The following AFG3L2 variants were observed in gnomAD, a reference collection of about 807,000 sequenced individuals.
The protein encoded by AFG3L2 is AFG3 like matrix AAA peptidase subunit 2, also known as mitochondrial inner membrane m-AAA protease component AFG3L2.
Under a neutral mutation model 94.5 loss-of-function variants are expected in AFG3L2, and 54 were observed. The ratio of observed to expected loss-of-function variants is 0.57; its 90% confidence interval spans 0.46 to 0.72. The LOEUF (loss-of-function observed/expected upper bound fraction) is 0.72, where lower values mean the gene tolerates loss of function less well. AFG3L2 is among the 30% of genes least tolerant of loss of function. The probability of loss-of-function intolerance (pLI) is 0.00; values close to 1 mark genes in which losing one functional copy is unlikely to be tolerated. For synonymous variants in AFG3L2, 377 were observed against 365.5 expected (o/e 1.03, Z -0.36); for missense variants, 754 against 994.9 (o/e 0.76, Z 3.26).
intron 16 of AFG3L2, among the ~76,000 whole-genome samples, chr18:12,333,133 T>TAA (rs1907623219): frequency 1.1e-5 from 1 of 87,498 alleles, no homozygotes; most frequent in African/African-American, 4.9e-5. Context: ...ATTATATATA[T>TAA]AATATATATA....
At chr18:12,374,297 T>C (rs1319603453) in intron 1 of AFG3L2, among the ~76,000 whole-genome samples, 2 of 152,208 alleles carry the variant, frequency 1.3e-5, no homozygotes, top group Non-Finnish European at 2.9e-5. Flanking sequence ...TTTGGAGAAT[T>C]AGCCTTTATG....
At chr18:12,342,940 C>T (rs569493887) in intron 14 of AFG3L2, 43 of 152,176 alleles carry the variant, frequency 2.8e-4, no homozygotes, top group African/African-American at 1.0e-3. Context: ...GAGTAACTTA[C>T]TGTTTTGGCT....
chr18:12,337,795 A>T (rs1282304068), intron 15 of AFG3L2, among the ~76,000 whole-genome samples: 1 of 152,038 alleles, frequency 6.6e-6, no homozygotes, highest in Non-Finnish European at 1.5e-5. Flanking sequence ...TTTTAGACAG[A>T]GTCTTGGTCT....
At chr18:12,331,147 A>G (rs1015547398) in intron 16 of AFG3L2, among the ~76,000 whole-genome samples, 7 of 152,208 alleles carry the variant, frequency 4.6e-5, no homozygotes, top group African/African-American at 1.7e-4. Flanking sequence ...TTTAGATACC[A>G]TTGTGTTACA....
At chr18:12,332,123 A>ATTTTT (rs10689491) in intron 16 of AFG3L2, among the ~76,000 whole-genome samples, 2 of 131,712 alleles carry the variant, frequency 1.5e-5, no homozygotes, top group Admixed American at 8.0e-5. Context: ...TCATAAAATG[A>ATTTTT]TTTTTTTTTT....
intron 10 of AFG3L2, 54 bp downstream of exon 10, chr18:12,352,951 C>T (rs1432885378): frequency 6.3e-7 from 1 of 1,595,802 alleles, no homozygotes; most frequent in Non-Finnish European, 8.6e-7. Context: ...CAGACTCCAT[C>T]TCAAAAAAAA....
In AFG3L2 at chr18:12,340,267, G is replaced by A. The variant is rs754685802; in HGVS notation, c.1914C>T (p.Phe638=). The stretch of plus-strand genomic sequence containing the variant: ...GAGCACCAGTTGTAATTCTTCCAAA[G>A]AAGATTTCTTCAGAGACTCGACCAC... ...TLGGRVSEEI[F]FGRITTGAQD... Residue 638 remains phenylalanine (F), a synonymous_variant, in exon 15 of 17, where the codon TTC becomes TTT. Transcript: ENST00000269143. 17 of 1,614,124 alleles carry A rather than the reference G, an allele frequency of 1.1e-5. No homozygotes were observed. In the Middle Eastern group the frequency reaches 8.2e-4, roughly 78 times the overall value.
Position 12,328,948 on chromosome 18 carries a change from T to C in AFG3L2, c.*617A>G, listed in dbSNP as rs1369685832. On this transcript the variant is annotated 3_prime_UTR_variant, in exon 17 of 17. Transcript: ENST00000269143. ...AGCATAAATAGGGACCCTATGTGTG[T>C]TCAGAAAAGTACAGTGTTGACATTT... 1.9e-6 allele frequency: 1 copy of C among 534,832 alleles called. No individual in the cohort carries two copies. The allele number at this position is 534,832 out of a possible 1,614,324, so 33.1% of individuals were successfully genotyped here. A position where few individuals can be genotyped will look rare whatever the true frequency, so the allele number is the denominator to read the frequency against.
intron 16 of AFG3L2, among the ~76,000 whole-genome samples, chr18:12,335,347 T>G (rs1427637887): frequency 6.6e-6 from 1 of 152,108 alleles, no homozygotes; most frequent in Non-Finnish European, 1.5e-5. Context: ...GTAACTGACA[T>G]CCCTCTACTC....
At chr18:12,344,867 A>C (rs1469606332) in intron 13 of AFG3L2, among the ~76,000 whole-genome samples, 1 of 152,194 alleles carries the variant, frequency 6.6e-6, no homozygotes, top group African/African-American at 2.4e-5. Flanking sequence ...TGTTTTGGGA[A>C]ACAAATAGAA....
intron 2 of AFG3L2, 39 bp from the exon 3 acceptor site, chr18:12,370,965 AAAT>A: frequency 7.9e-7 from 1 of 1,262,380 alleles, no homozygotes. Context: ...CTTCAAACTA[AAAT>A]TCATCAGGTT....
chr18:12,350,507 G>A (rs954009378), intron 12 of AFG3L2, among the ~76,000 whole-genome samples: 1 of 152,144 alleles, frequency 6.6e-6, no homozygotes, highest in South Asian at 2.1e-4. Context: ...AAATACTCCC[G>A]AGGAAGCAGA....
At chr18:12,336,595 A>C (rs747108158) in intron 16 of AFG3L2, among the ~76,000 whole-genome samples, 4 of 152,214 alleles carry the variant, frequency 2.6e-5, no homozygotes, top group Non-Finnish European at 5.9e-5. Context: ...TCTCTACTGC[A>C]ATTCCCCTGT....
At chr18:12,374,019 T>C (rs1909068666) in intron 1 of AFG3L2, among the ~76,000 whole-genome samples, 1 of 152,134 alleles carries the variant, frequency 6.6e-6, no homozygotes, top group South Asian at 2.1e-4. Flanking sequence ...TATATCACCA[T>C]AAAGTTTAGT....
At chr18:12,331,377 T>C (rs1433348782) in intron 16 of AFG3L2, among the ~76,000 whole-genome samples, 1 of 152,234 alleles carries the variant, frequency 6.6e-6, no homozygotes, top group African/African-American at 2.4e-5. Flanking sequence ...CTACAAAAGC[T>C]TGCTGCTCAT....
At chr18:12,362,194 AAGCCATCTACT>A (rs1908682037) in intron 6 of AFG3L2, among the ~76,000 whole-genome samples, 1 of 152,234 alleles carries the variant, frequency 6.6e-6, no homozygotes, top group Non-Finnish European at 1.5e-5. Flanking sequence ...CAGAGAAGGT[AAGCCATCTACT>A]AGTCAAGAGT....
At chr18:12,373,952 C>T (rs1303709256) in intron 1 of AFG3L2, among the ~76,000 whole-genome samples, 1 of 152,154 alleles carries the variant, frequency 6.6e-6, no homozygotes, top group Non-Finnish European at 1.5e-5. Context: ...GAACAAATTT[C>T]AACATGAGTT....
intron 1 of AFG3L2, among the ~76,000 whole-genome samples, chr18:12,372,211 G>A (rs527583820): frequency 1.0e-3 from 159 of 152,304 alleles, no homozygotes; most frequent in Non-Finnish European, 1.2e-3. Context: ...GGCTGAGGCA[G>A]GAGTACTGCT....
intron 12 of AFG3L2, among the ~76,000 whole-genome samples, chr18:12,350,053 C>T (rs577842004): frequency 6.6e-6 from 1 of 152,034 alleles, no homozygotes; most frequent in Non-Finnish European, 1.5e-5. Flanking sequence ...GCTCTCTCAT[C>T]TGGGCTGGAG....
Sources: allele counts gnomAD v4.1 joint callset (sites outside exome capture counted in the v4.1 genomes callset), GRCh38; gene constraint gnomAD v4.1.1; transcripts MANE v1.5; gene names NCBI Gene and HGNC (gene_info 2026-07-23, HGNC 2026-07-21).